SPTLC2: variants seen among roughly 807,000 people sequenced by gnomAD.
SPTLC2 encodes serine palmitoyltransferase long chain base subunit 2.
SPTLC2 carries 21 observed loss-of-function variants against 62.0 expected under a neutral mutation model. That is an observed-to-expected ratio of 0.34 (90% confidence interval 0.24 to 0.49). The LOEUF is 0.49. SPTLC2 is among the 20% of genes least tolerant of loss of function. SPTLC2 has a pLI of 0.99. For synonymous variants in SPTLC2, 261 were observed against 261.8 expected (o/e 1.00, Z 0.03); for missense variants, 511 against 713.0 (o/e 0.72, Z 3.23).
At position 77,583,550 on chromosome 14, in the gene SPTLC2, C is replaced by T. The variant is rs78167148; in HGVS notation, c.328-4441G>A. 4.6e-3 allele frequency among the ~76,000 whole-genome samples: 700 copies of T among 152,206 alleles called. 23 individuals carry two copies. The East Asian group carries it at 0.09, about 20-fold the overall frequency. ...GCAAAGAGTGATAGCCCCACTATTC[C>T]GACCCTCATTCCCCCATCTCCACCA... On this transcript the variant is annotated intron_variant, in intron 2 of 11. Transcript: ENST00000216484.
Position 77,556,397 on chromosome 14 carries a change from G to A in SPTLC2, c.956+644C>T, listed in dbSNP as rs141493223. On this transcript the variant is annotated intron_variant, in intron 7 of 11. Coordinates refer to ENST00000216484, the MANE Select transcript of SPTLC2 (RefSeq NM_004863.4). ...TTAATTCACGACAAAAATAATTAAGGTCACAGCAGATTCTTCTAAAGCTTG... is the reference window on the plus strand; with the variant it reads ...TTAATTCACGACAAAAATAATTAAGATCACAGCAGATTCTTCTAAAGCTTG... Among the ~76,000 whole-genome samples the A allele has an allele frequency of 2.6e-5, 4 of 152,156 alleles. No individual in the cohort carries two copies. The East Asian group carries it at 7.7e-4, about 29-fold the overall frequency.
rs1452460646 is a variant in SPTLC2 at position 77,606,870 on chromosome 14, T to A, written c.133-9490A>T. Among the ~76,000 whole-genome samples, 6 of 152,068 alleles carry A rather than the reference T, an allele frequency of 3.9e-5. No homozygotes were observed. In the East Asian group the frequency reaches 7.8e-4, roughly 20 times the overall value. The stretch of plus-strand genomic sequence containing the variant: ...CGGATGTGGTGGTGCATGAATGTAG[T>A]CCCAGCTACTGGGGAGGCTGAGATA... On this transcript the variant is annotated intron_variant, in intron 1 of 11. Coordinates refer to ENST00000216484, the MANE Select transcript of SPTLC2 (RefSeq NM_004863.4).
At chr14:77,603,915 T>C (rs564931849) in intron 1 of SPTLC2, among the ~76,000 whole-genome samples, 1 of 152,298 alleles carries the variant, frequency 6.6e-6, no homozygotes, top group East Asian at 1.9e-4. Context: ...GGAGTACAAG[T>C]GCAGCTCTGC....
At chr14:77,521,837 A>G (rs1202194755) in intron 9 of SPTLC2, among the ~76,000 whole-genome samples, 2 of 152,198 alleles carry the variant, frequency 1.3e-5, no homozygotes, top group Non-Finnish European at 2.9e-5. Context: ...TAGCATCCTC[A>G]AAGAATTTCA....
In SPTLC2 at chr14:77,510,429, A is replaced by G. The variant is rs896203820; in HGVS notation, c.*1855T>C. The G allele has an allele frequency of 6.5e-6, 1 of 152,840 alleles. No individual in the cohort carries two copies. The highest frequency in any genetic ancestry group is 1.5e-5 in the Non-Finnish European group (1 of 68,500). The allele number at this position is 152,840 out of a possible 1,614,324, so 9.5% of individuals were successfully genotyped here. A position where few individuals can be genotyped will look rare whatever the true frequency, so the allele number is the denominator to read the frequency against. ...CACACCCAGGAGAATTTGGATTGAGAATCTTTACCGATAAAAGGAGCAATT... is the reference window on the plus strand; with the variant it reads ...CACACCCAGGAGAATTTGGATTGAGGATCTTTACCGATAAAAGGAGCAATT... On this transcript the variant is annotated 3_prime_UTR_variant, in exon 12 of 12. Coordinates refer to ENST00000216484, the MANE Select transcript of SPTLC2 (RefSeq NM_004863.4).
rs575487226 is a variant in SPTLC2 at position 77,615,247 on chromosome 14, C to G, written c.132+1201G>C. 3.3e-5 allele frequency among the ~76,000 whole-genome samples: 5 copies of G among 152,326 alleles called. No homozygotes were observed. The South Asian group carries it at 1.0e-3, about 32-fold the overall frequency. ...ATTACTTCGCTTTGACACCTTACAA[C>G]TTCAGGGGAGGTCAAGTCTGCTTTA... On this transcript the variant is annotated intron_variant, in intron 1 of 11. Transcript: ENST00000216484.
intron 9 of SPTLC2, among the ~76,000 whole-genome samples, chr14:77,551,043 A>G (rs1048314781): frequency 1.3e-5 from 2 of 152,132 alleles, no homozygotes; most frequent in Non-Finnish European, 2.9e-5. Context: ...TGGAGAGCTC[A>G]TGGCTGATAA....
chr14:77,597,134 G>C, intron 2 of SPTLC2, 52 bp downstream of exon 2: 4 of 1,574,178 alleles, frequency 2.5e-6, no homozygotes, highest in Non-Finnish European at 3.5e-6. Flanking sequence ...AAAATACTAA[G>C]ATTTCCATAA....
intron 5 of SPTLC2, among the ~76,000 whole-genome samples, chr14:77,568,184 AT>A (rs2079656939): frequency 7.9e-5 from 12 of 152,156 alleles, no homozygotes; most frequent in Admixed American, 4.6e-4. Flanking sequence ...AAATATGTTT[AT>A]TTTCCCCTGT....
chr14:77,610,612 CTG>C (rs2079930051), intron 1 of SPTLC2, among the ~76,000 whole-genome samples: 1 of 152,094 alleles, frequency 6.6e-6, no homozygotes. Flanking sequence ...TGGAGTAAGA[CTG>C]GATCACACCC....
chr14:77,553,547 C>T (rs889660061), intron 8 of SPTLC2, among the ~76,000 whole-genome samples: 11 of 151,674 alleles, frequency 7.3e-5, no homozygotes, highest in Non-Finnish European at 1.3e-4. Flanking sequence ...CTGGCCAACA[C>T]GGTGAAACCC....
At chr14:77,527,763 A>C (rs1324336211) in intron 9 of SPTLC2, among the ~76,000 whole-genome samples, 1 of 152,012 alleles carries the variant, frequency 6.6e-6, no homozygotes, top group East Asian at 1.9e-4. Flanking sequence ...TTTGAAAGCC[A>C]GGAAAAGATC....
chr14:77,549,025 T>C (rs558988212), intron 9 of SPTLC2, among the ~76,000 whole-genome samples: 1 of 152,126 alleles, frequency 6.6e-6, no homozygotes, highest in Non-Finnish European at 1.5e-5. Context: ...TTCACTGACA[T>C]GGTTTGGATG....
chr14:77,584,057 G>A (rs1019928092), intron 2 of SPTLC2, among the ~76,000 whole-genome samples: 7 of 152,134 alleles, frequency 4.6e-5, no homozygotes, highest in African/African-American at 1.7e-4. Context: ...TCAAACTCTT[G>A]GATTTGCTGC....
At chr14:77,550,914 A>C (rs1203743275) in intron 9 of SPTLC2, among the ~76,000 whole-genome samples, 5 of 23,970 alleles carry the variant, frequency 2.1e-4, no homozygotes, top group Admixed American at 8.2e-4. Context: ...AAAAACAAAA[A>C]CCAGAAAAAA....
At chr14:77,550,403 G>A (rs557069717) in intron 9 of SPTLC2, among the ~76,000 whole-genome samples, 225 of 152,174 alleles carry the variant, frequency 1.5e-3, no homozygotes, top group Middle Eastern at 6.8e-3. Context: ...GGAGAAACCC[G>A]GTCTCTACTA....
At chr14:77,563,605 T>C (rs1289759559) in intron 5 of SPTLC2, among the ~76,000 whole-genome samples, 2 of 152,138 alleles carry the variant, frequency 1.3e-5, no homozygotes, top group African/African-American at 2.4e-5. Context: ...TTTGTATTTT[T>C]AGTAGAGATG....
chr14:77,608,975 G>C (rs893348181), intron 1 of SPTLC2, among the ~76,000 whole-genome samples: 14 of 148,172 alleles, frequency 9.4e-5, no homozygotes, highest in Non-Finnish European at 2.1e-4. Flanking sequence ...GCCCCAGGGA[G>C]GGGTGCTTGA....
chr14:77,570,879 T>C (rs1445176249), intron 4 of SPTLC2, among the ~76,000 whole-genome samples: 2 of 133,258 alleles, frequency 1.5e-5, no homozygotes, highest in Middle Eastern at 3.6e-3. Context: ...AACTGGCCTG[T>C]TGCAAAAACA....
Sources: gnomAD v4.1 joint callset for allele counts (sites outside exome capture counted in the v4.1 genomes callset) on GRCh38, gnomAD v4.1.1 for gene constraint, MANE v1.5 for transcripts, NCBI Gene and HGNC (gene_info 2026-07-23, HGNC 2026-07-21) for gene names.